The following SEPHS1 variants were observed in gnomAD, a reference collection of about 807,000 sequenced individuals.
The protein encoded by SEPHS1 is zincore component SEPHS1.
Under a neutral mutation model 39.2 loss-of-function variants are expected in SEPHS1, and 7 were observed. That is an observed-to-expected ratio of 0.18 (90% CI 0.10 to 0.34). SEPHS1 has a LOEUF of 0.34. Ranked by LOEUF, SEPHS1 falls within the 10% of genes least tolerant of loss-of-function variation. The pLI is 1.00. For synonymous variants in SEPHS1, 190 were observed against 195.5 expected (o/e 0.97, Z 0.23); for missense variants, 253 against 514.5 (o/e 0.49, Z 4.92).
At position 13,319,002 on chromosome 10, in the gene SEPHS1, T is replaced by A. The variant is rs1833023172; in HGVS notation, c.*140A>T. 1 of 731,272 alleles carries A rather than the reference T, an allele frequency of 1.4e-6. No individual in the cohort carries two copies. The highest frequency in any genetic ancestry group is 2.3e-6 in the Non-Finnish European group (1 of 438,426). The allele number at this position is 731,272 out of a possible 1,614,324, so 45.3% of individuals were successfully genotyped here. A position where few individuals can be genotyped will look rare whatever the true frequency, so the allele number is the denominator to read the frequency against. On this transcript the variant is annotated 3_prime_UTR_variant, in exon 9 of 9. Transcript: ENST00000327347. The stretch of plus-strand genomic sequence containing the variant: ...AAGGCAATGGATTTTATTTTATTAA[T>A]TGTATCCACTTACAAACCGACCTAA...
At chr10:13,343,797 G>C (rs1833858200) in intron 2 of SEPHS1, among the ~76,000 whole-genome samples, 1 of 152,114 alleles carries the variant, frequency 6.6e-6, no homozygotes, top group Admixed American at 6.5e-5. Flanking sequence ...CTGGGTGACA[G>C]AGTGAGAATC....
At chr10:13,333,779 A>G in intron 5 of SEPHS1, 38 bp downstream of exon 5, 1 of 1,604,178 alleles carries the variant, frequency 6.2e-7, no homozygotes, top group East Asian at 2.2e-5. Context: ...CAGAGAGAGA[A>G]AAACAGGTCA....
intron 1 of SEPHS1, chr10:13,345,519 T>C (rs1305620236): frequency 6.6e-6 from 1 of 152,244 alleles, no homozygotes; most frequent in East Asian, 1.9e-4. Flanking sequence ...TGTAAATGCA[T>C]TGGACAAAAT....
intron 5 of SEPHS1, among the ~76,000 whole-genome samples, chr10:13,330,841 TTTTTA>T (rs780634922): frequency 0.011 from 1,622 of 141,512 alleles, 70 homozygotes; most frequent in Admixed American, 0.091. Flanking sequence ...TTTTTTAAAT[TTTTTA>T]AAATTATACT....
Position 13,338,747 on chromosome 10 carries a change from G to A in SEPHS1, c.255C>T (p.Thr85=), listed in dbSNP as rs1214233817. Residue 85 remains threonine (T), a synonymous_variant, in exon 3 of 9, where the codon ACC becomes ACT. Coordinates refer to ENST00000327347, the MANE Select transcript of SEPHS1 (RefSeq NM_012247.5). ...LRHGGLSLVQ[T]TDYIYPIVDD... ...CTACGATCGGGTAAATGTAATCTGTGGTTTGAACCAAGGAAAGCCCACCGT... is the reference window on the plus strand; with the variant it reads ...CTACGATCGGGTAAATGTAATCTGTAGTTTGAACCAAGGAAAGCCCACCGT... 6.2e-7 allele frequency: 1 copy of A among 1,614,114 alleles called. No individual in the cohort carries two copies.
intron 7 of SEPHS1, among the ~76,000 whole-genome samples, chr10:13,325,998 A>G (rs187859911): frequency 3.6e-4 from 54 of 150,736 alleles, no homozygotes; most frequent in Non-Finnish European, 6.8e-4. Flanking sequence ...TAAATAAATT[A>G]TCCAGTCTTG....
At chr10:13,333,276 G>A (rs1426794654) in intron 5 of SEPHS1, among the ~76,000 whole-genome samples, 1 of 151,744 alleles carries the variant, frequency 6.6e-6, no homozygotes, top group African/African-American at 2.4e-5. Flanking sequence ...TGGGATTACA[G>A]GCATGTACCA....
intron 7 of SEPHS1, among the ~76,000 whole-genome samples, chr10:13,327,222 C>CA (rs1177530641): frequency 1.8e-5 from 2 of 112,762 alleles, no homozygotes; most frequent in Non-Finnish European, 3.3e-5. Flanking sequence ...GCCTGGGCGA[C>CA]AGAGTTAGAT....
intron 7 of SEPHS1, among the ~76,000 whole-genome samples, chr10:13,325,185 T>C (rs1464220750): frequency 2.0e-5 from 3 of 152,234 alleles, no homozygotes; most frequent in South Asian, 4.1e-4. Context: ...TTAGCAATTT[T>C]TTAATAGATA....
chr10:13,338,132 C>T (rs1230311392), intron 3 of SEPHS1, among the ~76,000 whole-genome samples: 1 of 152,226 alleles, frequency 6.6e-6, no homozygotes, highest in South Asian at 2.1e-4. Context: ...TAGCCAGGAA[C>T]TTTAACTCAG....
chr10:13,344,072 T>C (rs1833864832), intron 2 of SEPHS1, among the ~76,000 whole-genome samples: 1 of 152,148 alleles, frequency 6.6e-6, no homozygotes, highest in African/African-American at 2.4e-5. Context: ...GATGACATCC[T>C]GGGGTCAAGA....
At position 13,325,436 on chromosome 10, in the gene SEPHS1, G is replaced by A. The variant is rs368886851; in HGVS notation, c.752-2389C>T. ...TTTCCCTCGTGCTGTTCTCGTCAGGGTGAATGAATTCTCATGAGATCTGAT... is the reference window on the plus strand; with the variant it reads ...TTTCCCTCGTGCTGTTCTCGTCAGGATGAATGAATTCTCATGAGATCTGAT... On this transcript the variant is annotated intron_variant, in intron 7 of 8. Transcript: ENST00000327347. 5.9e-5 allele frequency among the ~76,000 whole-genome samples: 9 copies of A among 152,138 alleles called. 1 individual carries two copies. The East Asian group carries it at 1.3e-3, about 23-fold the overall frequency.
At chr10:13,345,056 C>A (rs1441478340) in intron 1 of SEPHS1, 28 bp from the exon 2 acceptor site, 1 of 1,052,204 alleles carries the variant, frequency 9.5e-7, no homozygotes. Flanking sequence ...ACAAAGATGC[C>A]ATGAAAAGAA....
Position 13,324,752 on chromosome 10 carries a change from A to C in SEPHS1, c.752-1705T>G, listed in dbSNP as rs138927246. On this transcript the variant is annotated intron_variant, in intron 7 of 8. Transcript: ENST00000327347. ...TCAGCTTCCCAAGTAGCTGGGACTA[A>C]GGCGCAAGCCACCATGCCCAGCTAA... 1.3e-4 allele frequency among the ~76,000 whole-genome samples: 20 copies of C among 152,316 alleles called. No homozygotes were observed. In the East Asian group the frequency reaches 3.9e-3, roughly 29 times the overall value.
intron 7 of SEPHS1, among the ~76,000 whole-genome samples, chr10:13,325,065 G>C (rs897667978): frequency 6.6e-6 from 1 of 152,196 alleles, no homozygotes; most frequent in Non-Finnish European, 1.5e-5. Flanking sequence ...ACCTGACCTT[G>C]AACAGGTATG....
intron 4 of SEPHS1, among the ~76,000 whole-genome samples, chr10:13,335,431 C>G (rs566472858): frequency 5.3e-5 from 8 of 152,008 alleles, no homozygotes; most frequent in African/African-American, 1.9e-4. Context: ...TTTGGGAGGC[C>G]GAAGTGGGTG....
chr10:13,333,015 G>T (rs1431859747), intron 5 of SEPHS1, among the ~76,000 whole-genome samples: 1 of 152,098 alleles, frequency 6.6e-6, no homozygotes, highest in South Asian at 2.1e-4. Context: ...TCTTCCTGTA[G>T]CAATGAAAAC....
intron 1 of SEPHS1, among the ~76,000 whole-genome samples, chr10:13,346,499 C>T (rs1389358918): frequency 6.6e-6 from 1 of 152,156 alleles, no homozygotes; most frequent in South Asian, 2.1e-4. Context: ...AACGTAACAA[C>T]TGAGCAGGAG....
chr10:13,321,022 G>A (rs538482377), intron 8 of SEPHS1, among the ~76,000 whole-genome samples: 8 of 152,104 alleles, frequency 5.3e-5, no homozygotes, highest in East Asian at 1.9e-4. Flanking sequence ...TTTTTTAAAC[G>A]GGAGGCTGAA....
Sources: allele counts gnomAD v4.1 joint callset (sites outside exome capture counted in the v4.1 genomes callset), GRCh38; gene constraint gnomAD v4.1.1; transcripts MANE v1.5; gene names NCBI Gene and HGNC (gene_info 2026-07-23, HGNC 2026-07-21).